Variants in SGPP2 observed in about 807,000 individuals in gnomAD.
SGPP2 encodes sphingosine-1-phosphate phosphatase 2, also known as sphingosine 1-phosphate phosphohydrolase 2.
Under a neutral mutation model 33.9 loss-of-function variants are expected in SGPP2, and 30 were observed. The ratio of observed to expected loss-of-function variants is 0.89; its 90% confidence interval spans 0.66 to 1.20. The LOEUF (loss-of-function observed/expected upper bound fraction) is 1.20, where lower values mean the gene tolerates loss of function less well. Ranked by LOEUF, SGPP2 falls within the 50% of genes most tolerant of loss-of-function variation. SGPP2 has a pLI of 0.00. For synonymous variants in SGPP2, 233 were observed against 225.0 expected (o/e 1.04, Z -0.32); for missense variants, 458 against 532.1 (o/e 0.86, Z 1.37).
At chr2:222,490,235 G>A (rs1473775027) in intron 2 of SGPP2, among the ~76,000 whole-genome samples, 1 of 152,108 alleles carries the variant, frequency 6.6e-6, no homozygotes, top group African/African-American at 2.4e-5. Context: ...AAAGAGTCAT[G>A]CATGGGATGG....
chr2:222,475,355 T>C (rs1211543987), intron 2 of SGPP2, among the ~76,000 whole-genome samples: 1 of 152,228 alleles, frequency 6.6e-6, no homozygotes, highest in Non-Finnish European at 1.5e-5. Flanking sequence ...TACTTTGAGA[T>C]ATACTTTCCC....
intron 2 of SGPP2, among the ~76,000 whole-genome samples, chr2:222,480,166 A>G (rs1698007448): frequency 6.6e-6 from 1 of 152,194 alleles, no homozygotes; most frequent in African/African-American, 2.4e-5. Context: ...TTAAAGTTAT[A>G]TTTCTGTATC....
chr2:222,538,926 C>T (rs1000976655), intron 4 of SGPP2, among the ~76,000 whole-genome samples: 4 of 152,186 alleles, frequency 2.6e-5, no homozygotes, highest in Non-Finnish European at 4.4e-5. Context: ...GATTACAATT[C>T]AACATGAGAT....
intron 1 of SGPP2, among the ~76,000 whole-genome samples, chr2:222,446,932 A>AT (rs2106071861): frequency 6.6e-6 from 1 of 152,314 alleles, no homozygotes; most frequent in Admixed American, 6.5e-5. Context: ...TAGTAAAGAA[A>AT]TTTTTGCTGC....
intron 2 of SGPP2, among the ~76,000 whole-genome samples, chr2:222,511,758 G>A (rs991829541): frequency 6.6e-6 from 1 of 152,098 alleles, no homozygotes; most frequent in Non-Finnish European, 1.5e-5. Context: ...GCTCACTGCG[G>A]TCTTGACCTC....
Position 222,540,324 on chromosome 2 carries a change from G to A in SGPP2, c.648+15291G>A, listed in dbSNP as rs140265089. ...TGCAACTCATCACATGAGGTCAGGT[G>A]TAGAATTTTTTCATGTGATGTCATG... On this transcript the variant is annotated intron_variant, in intron 4 of 4. Transcript: ENST00000321276. Among the ~76,000 whole-genome samples the A allele has an allele frequency of 3.9e-4, 60 of 152,290 alleles. 1 individual carries two copies. The East Asian group carries it at 0.01, about 26-fold the overall frequency.
In SGPP2 at chr2:222,562,512, G is replaced by T. The variant is rs1307958357; in HGVS notation, c.*3614G>T. On this transcript the variant is annotated 3_prime_UTR_variant, in exon 5 of 5. Coordinates refer to ENST00000321276, the MANE Select transcript of SGPP2 (RefSeq NM_152386.4). Reference sequence around the variant, plus strand: ...GGTGTTTTGGGGCCATATGCACCAGGTTTCTATTTTAGAAACCTTCAGCTG... The same window carrying T: ...GGTGTTTTGGGGCCATATGCACCAGTTTTCTATTTTAGAAACCTTCAGCTG... 6.6e-6 allele frequency among the ~76,000 whole-genome samples: 1 copy of T among 152,094 alleles called. No individual in the cohort carries two copies. Among genetic ancestry groups the T allele is most frequent in the Non-Finnish European group, 1.5e-5 (1 of 68,024 alleles).
rs1689278629 is a variant in SGPP2, at chr2:222,550,698, G to A, written c.649-7649G>A. On this transcript the variant is annotated intron_variant, in intron 4 of 4. Transcript: ENST00000321276. This position sits in a 1 kb window ranked among gnomAD's most constrained non-coding sequence, Gnocchi z 4.5. ...GGTTTTTATCTCATTTTTGGTGTAA[G>A]CAGCATAATATGCTTGATTTATTGT... Among the ~76,000 whole-genome samples the A allele has an allele frequency of 6.6e-6, 1 of 152,178 alleles. No homozygotes were observed. The highest frequency in any genetic ancestry group is 6.5e-5 in the Admixed American group (1 of 15,276).
chr2:222,471,206 G>C (rs765647050), intron 1 of SGPP2, among the ~76,000 whole-genome samples: 2 of 151,964 alleles, frequency 1.3e-5, no homozygotes, highest in African/African-American at 4.8e-5. Flanking sequence ...TGCACTGCTC[G>C]GCTTGAGACT....
At chr2:222,459,899 A>G (rs1697633433) in intron 1 of SGPP2, among the ~76,000 whole-genome samples, 1 of 152,196 alleles carries the variant, frequency 6.6e-6, no homozygotes, top group African/African-American at 2.4e-5. Flanking sequence ...CTGATGCACC[A>G]GGGTCATTGG....
intron 2 of SGPP2, among the ~76,000 whole-genome samples, chr2:222,485,128 G>T (rs994152872): frequency 6.6e-6 from 1 of 152,142 alleles, no homozygotes; most frequent in Admixed American, 6.6e-5. Context: ...TCCCTGGCGC[G>T]CTCTCTAAAC....
At chr2:222,475,998 C>T (rs1417493755) in intron 2 of SGPP2, among the ~76,000 whole-genome samples, 1 of 152,174 alleles carries the variant, frequency 6.6e-6, no homozygotes. Context: ...CATGATAACG[C>T]ATAGTGACTG....
chr2:222,503,229 TGCTAAGGACGAGGGATGATC>T (rs1297429107), intron 2 of SGPP2, among the ~76,000 whole-genome samples: 1 of 152,212 alleles, frequency 6.6e-6, no homozygotes, highest in Non-Finnish European at 1.5e-5. Flanking sequence ...AGAGCGTTGT[TGCTAAGGACGAGGGATGATC>T]AGAAAGTCCT....
At position 222,560,198 on chromosome 2, in the gene SGPP2, A is replaced by C. The variant is rs1380869721; in HGVS notation, c.*1300A>C. ...AAAGTGGATCTGTGAAGAACAGATGAACTCAATCCTTTCTGGAGTCTGACA... is the reference window on the plus strand; with the variant it reads ...AAAGTGGATCTGTGAAGAACAGATGCACTCAATCCTTTCTGGAGTCTGACA... On this transcript the variant is annotated 3_prime_UTR_variant, in exon 5 of 5. Transcript: ENST00000321276. 6.6e-6 allele frequency: 1 copy of C among 152,326 alleles called. No homozygotes were observed. The highest frequency in any genetic ancestry group is 1.9e-4 in the East Asian group (1 of 5,178). 9.4% of individuals were successfully genotyped at this position (152,326 alleles called of 1,614,324 possible).
At chr2:222,427,194 T>A (rs1288596455) in intron 1 of SGPP2, among the ~76,000 whole-genome samples, 1 of 152,240 alleles carries the variant, frequency 6.6e-6, no homozygotes, top group Non-Finnish European at 1.5e-5. Flanking sequence ...TCTCATAGCC[T>A]GGCACGTAGG....
At chr2:222,431,597 A>G (rs899844463) in intron 1 of SGPP2, among the ~76,000 whole-genome samples, 2 of 152,160 alleles carry the variant, frequency 1.3e-5, no homozygotes, top group African/African-American at 4.8e-5. Context: ...GAAAACCAAC[A>G]TGGGAGGATG....
chr2:222,463,347 G>A (rs1697694500), intron 1 of SGPP2, among the ~76,000 whole-genome samples: 1 of 152,200 alleles, frequency 6.6e-6, no homozygotes, highest in Non-Finnish European at 1.5e-5. Context: ...AAATGGGGAA[G>A]CGGCTGAGCA....
intron 4 of SGPP2, among the ~76,000 whole-genome samples, chr2:222,537,096 C>T (rs1698927224): frequency 6.6e-6 from 1 of 152,198 alleles, no homozygotes; most frequent in Non-Finnish European, 1.5e-5. Context: ...TCCAATGTGT[C>T]AGGGGCAAAC....
In SGPP2 at chr2:222,556,220, C is replaced by G. The variant is rs145218679; in HGVS notation, c.649-2127C>G. ...AAAGAGTTTGGCTCAATTTTGGTAA[C>G]CAAGAAGCCTATATGAAGGATTTTT... On this transcript the variant is annotated intron_variant, in intron 4 of 4. Transcript: ENST00000321276. Among the ~76,000 whole-genome samples, 327 of 152,132 alleles carry G rather than the reference C, an allele frequency of 2.1e-3. 2 individuals carry two copies. The Middle Eastern group carries it at 0.024, about 11-fold the overall frequency.
Sources: gnomAD v4.1 joint callset for allele counts (sites outside exome capture counted in the v4.1 genomes callset) on GRCh38, gnomAD v4.1.1 for gene constraint, Gnocchi (gnomAD v3.1) non-coding constraint, MANE v1.5 for transcripts, NCBI Gene and HGNC (gene_info 2026-07-23, HGNC 2026-07-21) for gene names.